The following NISCH variants were observed in gnomAD, a reference collection of about 807,000 sequenced individuals.
NISCH encodes nischarin.
NISCH carries 55 observed loss-of-function variants against 138.4 expected under a neutral mutation model. The observed-to-expected ratio is 0.40, with a 90% CI of 0.32 to 0.50. The LOEUF is 0.50. NISCH is among the 20% of genes least tolerant of loss of function. The pLI is 0.71. For missense variants in NISCH, 1,643 were observed against 2,005.5 expected, an observed-to-expected ratio of 0.82 and a Z score of 3.45; for synonymous variants, 860 against 861.5, an observed-to-expected ratio of 1.00 and a Z score of 0.03.
chr3:52,480,917 G>A, intron 13 of NISCH: 8 of 1,534,288 alleles, frequency 5.2e-6, no homozygotes, highest in Non-Finnish European at 7.0e-6. Context: ...GGTCTCATGA[G>A]CGTGTCTGCT....
chr3:52,482,994 C>T (rs1200488680), intron 13 of NISCH, among the ~76,000 whole-genome samples: 1 of 152,146 alleles, frequency 6.6e-6, no homozygotes, highest in Non-Finnish European at 1.5e-5. Context: ...CTGTCTAGAG[C>T]AGAGAAGGTC....
In NISCH at chr3:52,488,252, C is replaced by G; in HGVS notation, c.2760C>G (p.Ile920Met). 1 of 1,611,000 alleles carries G rather than the reference C, an allele frequency of 6.2e-7. No individual in the cohort carries two copies. The highest frequency in any genetic ancestry group is 8.5e-7 in the Non-Finnish European group (1 of 1,179,990). Residue 920 changes from isoleucine to methionine, a missense_variant, in exon 16 of 21, where the codon ATC (isoleucine) becomes ATG (methionine). By Grantham distance (10) the Ile-to-Met change is conservative. Coordinates refer to ENST00000345716, the MANE Select transcript of NISCH (RefSeq NM_007184.4). ...LLLTPQHLNV[I>M]KADFNPMPNR... Reference sequence around the variant, plus strand: ...TCACGCCCCAGCACCTCAACGTCATCAAGGCCGACTTCAACCCCATGCCCA... The same window carrying G: ...TCACGCCCCAGCACCTCAACGTCATGAAGGCCGACTTCAACCCCATGCCCA...
chr3:52,477,988 G>C (rs1030187133), intron 9 of NISCH, 109 bp from the exon 10 acceptor site: 1 of 1,116,828 alleles, frequency 9.0e-7, no homozygotes, highest in Non-Finnish European at 1.3e-6. Flanking sequence ...AGAGTGACTT[G>C]CAGAACTGGG....
At position 52,457,903 on chromosome 3, in the gene NISCH, G is replaced by C; in HGVS notation, c.154G>C (p.Asp52His). The C allele has an allele frequency of 6.2e-7, 1 of 1,610,860 alleles. No individual in the cohort carries two copies. The highest frequency in any genetic ancestry group is 2.2e-5 in the East Asian group (1 of 44,766). ...GTGGACAGTAAAGCACCGCTACAGC[G>C]ACTTCCATGACCTGCATGAAAAGGT... ...HEWTVKHRYS[D>H]FHDLHEKLVA... Residue 52 changes from aspartate to histidine, a missense_variant, in exon 2 of 21, where the codon GAC becomes CAC. Coordinates refer to ENST00000345716, the MANE Select transcript of NISCH (RefSeq NM_007184.4).
rs751476078 is a variant in NISCH at position 52,489,695 on chromosome 3, G to GGGT, written c.3456+19_3456+21dup. ...ATTGCTGAGGTAGCGGCCCGGGTGTGGGTGCCAGCTATGGCACGGCCAGTC... is the reference window on the plus strand; with the variant it reads ...ATTGCTGAGGTAGCGGCCCGGGTGTGGGTGGTGCCAGCTATGGCACGGCCAGTC... On this transcript the variant is annotated intron_variant, in intron 17 of 20. Coordinates refer to ENST00000345716, the MANE Select transcript of NISCH (RefSeq NM_007184.4). 3 of 1,605,162 alleles carry GGGT rather than the reference G, an allele frequency of 1.9e-6. No homozygotes were observed. In the Admixed American group the frequency reaches 5.0e-5, roughly 27 times the overall value.
intron 14 of NISCH, among the ~76,000 whole-genome samples, chr3:52,485,424 G>A (rs548007190): frequency 9.2e-5 from 14 of 152,364 alleles, no homozygotes; most frequent in African/African-American, 3.1e-4. Flanking sequence ...TGTGTCCACT[G>A]CTGGCCAGTT....
chr3:52,470,062 T>G (rs935975362), intron 3 of NISCH, among the ~76,000 whole-genome samples: 7 of 148,116 alleles, frequency 4.7e-5, no homozygotes, highest in Non-Finnish European at 1.0e-4. Flanking sequence ...CCAGCCTGAG[T>G]GACAGAGCAA....
intron 8 of NISCH, 64 bp downstream of exon 8, chr3:52,476,663 T>G: frequency 6.5e-7 from 1 of 1,529,600 alleles, no homozygotes; most frequent in Non-Finnish European, 9.0e-7. Flanking sequence ...GTTTGAGTAT[T>G]TAACTCAGCT....
At chr3:52,481,263 A>G (rs1313327300) in intron 13 of NISCH, 1 of 1,065,922 alleles carries the variant, frequency 9.4e-7, no homozygotes, top group Non-Finnish European at 1.1e-6. Context: ...CAGCCCTCCC[A>G]GCAGGGACAG....
intron 16 of NISCH, 49 bp downstream of exon 16, chr3:52,488,654 T>C: frequency 2.1e-6 from 3 of 1,441,680 alleles, no homozygotes; most frequent in South Asian, 2.6e-5. Context: ...GGGTCTGGCA[T>C]GTGTGTGATC....
chr3:52,491,741 G>T, intron 20 of NISCH, 131 bp from the exon 21 acceptor site: 1 of 1,273,062 alleles, frequency 7.9e-7, no homozygotes, highest in South Asian at 1.5e-5. Flanking sequence ...CTGGCCTGTG[G>T]GCCCCACACT....
At chr3:52,462,004 G>A (rs1706648582) in intron 3 of NISCH, among the ~76,000 whole-genome samples, 1 of 152,172 alleles carries the variant, frequency 6.6e-6, no homozygotes, top group South Asian at 2.1e-4. Context: ...CTCGCTGGCT[G>A]CCTCACGTGT....
At chr3:52,457,070 G>A (rs1274152577) in intron 1 of NISCH, among the ~76,000 whole-genome samples, 4 of 152,218 alleles carry the variant, frequency 2.6e-5, no homozygotes, top group Admixed American at 6.5e-5. Context: ...CCATGGGTCA[G>A]GCCCATGTAC....
intron 13 of NISCH, chr3:52,481,116 C>A: frequency 3.1e-6 from 4 of 1,286,272 alleles, no homozygotes; most frequent in Non-Finnish European, 3.9e-6. Context: ...CCTGGTAACC[C>A]CACTGGTGGG....
rs1707157959 is a variant in NISCH, at chr3:52,478,114, G to A, written c.1005G>A (p.Val335=). The A allele has an allele frequency of 6.2e-7, 1 of 1,613,960 alleles. No individual in the cohort carries two copies. The highest frequency in any genetic ancestry group is 1.3e-5 in the African/African-American group (1 of 75,030). ...VDNLQHLYNL[V]HLDLSYNKLS... ...CGCTGCAGCACCTGTATAACCTTGT[G>A]CATCTGGACCTGTCCTACAACAAGC... is the stretch of plus-strand genomic sequence containing the variant. Residue 335 remains valine, a synonymous_variant, in exon 10 of 21, where the codon GTG becomes GTA. Coordinates refer to ENST00000345716, the MANE Select transcript of NISCH (RefSeq NM_007184.4).
rs765592647 is a variant in NISCH, at chr3:52,488,448, G to C, written c.2956G>C (p.Val986Leu). 6.2e-7 allele frequency: 1 copy of C among 1,613,682 alleles called. No homozygotes were observed. Among genetic ancestry groups the C allele is most frequent in the South Asian group, 1.1e-5 (1 of 91,082 alleles). Residue 986 changes from valine to leucine, a missense_variant, in exon 16 of 21, where the codon GTG becomes CTG. By Grantham distance (32) the Val-to-Leu change is conservative. Transcript: ENST00000345716. ...VGYRFVTAIF[V>L]LPHEKFHFLR... ...GTACCGCTTTGTCACTGCCATCTTCGTGCTGCCCCACGAGAAGTTCCACTT... is the reference window on the plus strand; with the variant it reads ...GTACCGCTTTGTCACTGCCATCTTCCTGCTGCCCCACGAGAAGTTCCACTT...
chr3:52,489,293 A>T, intron 16 of NISCH, 43 bp from the exon 17 acceptor site: 1 of 1,580,752 alleles, frequency 6.3e-7, no homozygotes. Context: ...GTGAATCTTC[A>T]TTTGGGGTCC....
chr3:52,466,784 G>A (rs777023913), intron 3 of NISCH, among the ~76,000 whole-genome samples: 4 of 151,930 alleles, frequency 2.6e-5, no homozygotes, highest in African/African-American at 4.8e-5. Flanking sequence ...TTGGTTGCAG[G>A]GCATGTGCGC....
intron 13 of NISCH, chr3:52,481,006 G>T: frequency 7.1e-7 from 1 of 1,404,716 alleles, no homozygotes; most frequent in Non-Finnish European, 9.3e-7. Flanking sequence ...AAAGGACGCC[G>T]CCTGCCCGGG....
Sources: gnomAD v4.1 joint callset for allele counts (sites outside exome capture counted in the v4.1 genomes callset) on GRCh38, gnomAD v4.1.1 for gene constraint, MANE v1.5 for transcripts, NCBI Gene and HGNC (gene_info 2026-07-23, HGNC 2026-07-21) for gene names.